Variants in KAZN observed in about 807,000 individuals in gnomAD.
KAZN encodes kazrin, periplakin interacting protein.
Under a neutral mutation model 87.4 loss-of-function variants are expected in KAZN, and 40 were observed. That is an observed-to-expected ratio of 0.46 (90% CI 0.36 to 0.60). The LOEUF (loss-of-function observed/expected upper bound fraction) is 0.60. Ranked by LOEUF, KAZN falls within the 20% of genes least tolerant of loss-of-function variation. The pLI, the probability that KAZN is intolerant of heterozygous loss-of-function variation, is 0.00. For missense variants in KAZN, 898 were observed against 1,073.9 expected (o/e 0.84, Z 2.29); for synonymous variants, 466 against 458.3 (o/e 1.02, Z -0.22).
intron 1 of KAZN, among the ~76,000 whole-genome samples, chr1:14,005,552 G>T (rs149028792): frequency 2.2e-4 from 34 of 152,230 alleles, no homozygotes; most frequent in Non-Finnish European, 4.6e-4. Flanking sequence ...GGGTATGTCC[G>T]AAGTTCAGAG....
chr1:14,431,600 C>T (rs1666075728), intron 2 of KAZN, among the ~76,000 whole-genome samples: 1 of 152,118 alleles, frequency 6.6e-6, no homozygotes, highest in African/African-American at 2.4e-5. Context: ...AGGTGGGCAC[C>T]ATCCATTGGC....
chr1:14,386,826 C>A (rs945022460), intron 2 of KAZN, among the ~76,000 whole-genome samples: 9 of 151,946 alleles, frequency 5.9e-5, no homozygotes, highest in African/African-American at 2.2e-4. Context: ...ATCTTTGTGG[C>A]GTTCTCTGTA....
chr1:14,553,000 C>T (rs936552178), intron 2 of KAZN, among the ~76,000 whole-genome samples: 5 of 152,178 alleles, frequency 3.3e-5, no homozygotes, highest in Admixed American at 6.5e-5. Flanking sequence ...CACAATTAGC[C>T]GTGCCCATCA....
Position 14,965,036 on chromosome 1 carries a change from CT to C in KAZN, c.418+4173del, listed in dbSNP as rs556431827. ...TTAAGACATATATATATATTTTTTT[CT>C]TTTTTTTTTTTGAGACAGAGTCTCA... On this transcript the variant is annotated intron_variant, in intron 2 of 14. Coordinates refer to ENST00000376030, the MANE Select transcript of KAZN (RefSeq NM_201628.3). Among the ~76,000 whole-genome samples the C allele has an allele frequency of 6.9e-4, 99 of 144,350 alleles. 1 individual carries two copies. The highest frequency in any genetic ancestry group is 6.2e-4 in the Admixed American group (9 of 14,454). The allele number at this position is 144,350 out of a possible 152,430, so 94.7% of individuals were successfully genotyped here.
chr1:14,552,635 G>A (rs1000861166), intron 2 of KAZN, among the ~76,000 whole-genome samples: 1 of 152,204 alleles, frequency 6.6e-6, no homozygotes, highest in Non-Finnish European at 1.5e-5. Flanking sequence ...AGACCCCCAT[G>A]AATGCCTCCA....
chr1:14,945,793 C>A, intron 1 of KAZN: 1 of 805,340 alleles, frequency 1.2e-6, no homozygotes, highest in Non-Finnish European at 1.5e-6. Flanking sequence ...TTTCAAGCTC[C>A]ACGGCCTCGA....
intron 1 of KAZN, among the ~76,000 whole-genome samples, chr1:13,895,249 A>G (rs149485825): frequency 3.3e-4 from 50 of 152,112 alleles, no homozygotes; most frequent in Non-Finnish European, 6.3e-4. Context: ...CCCACTCCAT[A>G]CATCTGTGGA....
chr1:14,499,763 C>T (rs1466976753), intron 2 of KAZN, among the ~76,000 whole-genome samples: 1 of 152,190 alleles, frequency 6.6e-6, no homozygotes, highest in East Asian at 1.9e-4. Context: ...GTGACCCTGG[C>T]TTGGCCCTAG....
chr1:14,412,618 G>A (rs1664397249), intron 2 of KAZN, among the ~76,000 whole-genome samples: 1 of 151,960 alleles, frequency 6.6e-6, no homozygotes, highest in African/African-American at 2.4e-5. Flanking sequence ...AAAAGAAGAG[G>A]AAAAAATCTA....
intron 8 of KAZN, 102 bp downstream of exon 8, chr1:15,065,855 C>A: frequency 1.3e-6 from 2 of 1,558,442 alleles, no homozygotes; most frequent in Admixed American, 1.9e-5. Context: ...GGCGTGTGTG[C>A]AAGCGAGCGT....
intron 1 of KAZN, among the ~76,000 whole-genome samples, chr1:14,722,167 A>T (rs1017830268): frequency 5.9e-5 from 9 of 151,748 alleles, no homozygotes; most frequent in African/African-American, 2.2e-4. Flanking sequence ...AAAAAAGAAT[A>T]AAAAATAAAA....
intron 1 of KAZN, among the ~76,000 whole-genome samples, chr1:14,800,061 T>C (rs1377959290): frequency 1.3e-5 from 2 of 152,112 alleles, no homozygotes; most frequent in East Asian, 3.9e-4. Context: ...CTTGGATGTA[T>C]TGGGAATGGG....
chr1:14,421,742 G>A (rs1029308000), intron 2 of KAZN, among the ~76,000 whole-genome samples: 13 of 151,954 alleles, frequency 8.6e-5, no homozygotes, highest in Non-Finnish European at 2.9e-5. Flanking sequence ...TGCCCAAAAG[G>A]AATCTCCCAA....
At chr1:14,529,912 A>G (rs951157932) in intron 2 of KAZN, among the ~76,000 whole-genome samples, 1 of 152,198 alleles carries the variant, frequency 6.6e-6, no homozygotes, top group African/African-American at 2.4e-5. Flanking sequence ...TGCTTTTATG[A>G]CAAAAGCACC....
intron 1 of KAZN, among the ~76,000 whole-genome samples, chr1:14,669,041 T>C (rs756875699): frequency 5.3e-5 from 8 of 152,208 alleles, no homozygotes; most frequent in Non-Finnish European, 7.3e-5. Context: ...TTCGTAAACA[T>C]CTTTTAACCC....
At chr1:14,848,143 C>T (rs553085478) in intron 1 of KAZN, among the ~76,000 whole-genome samples, 4 of 152,338 alleles carry the variant, frequency 2.6e-5, no homozygotes, top group African/African-American at 9.6e-5. Flanking sequence ...CCTCTTGCAG[C>T]TTCTTCCTTC....
In KAZN at chr1:14,541,645, G is replaced by A. The variant is rs151191721; in HGVS notation, c.250-57338G>A. 2.6e-3 allele frequency among the ~76,000 whole-genome samples: 389 copies of A among 152,356 alleles called. 1 individual carries two copies. The highest frequency in any genetic ancestry group is 8.8e-3 in the African/African-American group (364 of 41,586). ...GGGGAGGGCTTTCGGCATTTCAGAA[G>A]ATCTGGTGCCCATCTGGGGCAAAGC... On this transcript the variant is annotated intron_variant, in intron 2 of 16. Transcript: ENST00000636203.
chr1:14,948,971 A>G (rs910113827), intron 1 of KAZN, among the ~76,000 whole-genome samples: 2 of 152,054 alleles, frequency 1.3e-5, no homozygotes, highest in Non-Finnish European at 2.9e-5. Context: ...AGCCTGGCCA[A>G]CATGGCAAAA....
At chr1:14,849,944 T>A (rs1022904617) in intron 1 of KAZN, among the ~76,000 whole-genome samples, 1 of 151,866 alleles carries the variant, frequency 6.6e-6, no homozygotes, top group East Asian at 1.9e-4. Context: ...CCCCCTTTTT[T>A]TTTTTTTTGA....
Sources: gnomAD v4.1 joint callset for allele counts (sites outside exome capture counted in the v4.1 genomes callset) on GRCh38, gnomAD v4.1.1 for gene constraint, MANE v1.5 for transcripts, NCBI Gene and HGNC (gene_info 2026-07-23, HGNC 2026-07-21) for gene names.